Variants in BABAM2 observed in about 807,000 individuals in gnomAD.
BABAM2 encodes BRISC and BRCA1-A complex member 2.
Under a neutral mutation model 54.7 loss-of-function variants are expected in BABAM2, and 31 were observed. The observed-to-expected ratio is 0.57, with a 90% CI of 0.43 to 0.77. BABAM2 has a LOEUF of 0.77. Among genes scored for constraint, BABAM2 ranks in the 30% least tolerant of loss-of-function variants. The pLI is 0.00. For synonymous variants in BABAM2, 167 were observed against 162.9 expected (o/e 1.03, Z -0.19); for missense variants, 364 against 455.8 (o/e 0.80, Z 1.83).
At chr2:27,947,644 T>C (rs1300519638) in intron 3 of BABAM2, among the ~76,000 whole-genome samples, 1 of 152,216 alleles carries the variant, frequency 6.6e-6, no homozygotes, top group Non-Finnish European at 1.5e-5. Context: ...TCTCCCTGAC[T>C]GTGGCTTGTC....
At chr2:28,238,720 G>T (rs957159370) in intron 8 of BABAM2, among the ~76,000 whole-genome samples, 2 of 152,060 alleles carry the variant, frequency 1.3e-5, no homozygotes, top group African/African-American at 4.8e-5. Flanking sequence ...GCTTTGCACT[G>T]CCTTCAAATC....
intron 3 of BABAM2, among the ~76,000 whole-genome samples, chr2:27,936,157 T>C (rs1573208419): frequency 1.3e-5 from 2 of 152,088 alleles, no homozygotes; most frequent in Non-Finnish European, 2.9e-5. Context: ...TGACCTCAGG[T>C]GATCCACCCA....
chr2:28,006,516 A>T (rs747015115), intron 4 of BABAM2, among the ~76,000 whole-genome samples: 1 of 152,074 alleles, frequency 6.6e-6, no homozygotes, highest in Non-Finnish European at 1.5e-5. Flanking sequence ...GTAGAAAATA[A>T]CTATTAAAAG....
intron 6 of BABAM2, among the ~76,000 whole-genome samples, chr2:28,096,575 A>T (rs1057256068): frequency 6.6e-6 from 1 of 152,140 alleles, no homozygotes; most frequent in Non-Finnish European, 1.5e-5. Context: ...AGTGCTCTTC[A>T]TAACCATTTC....
At chr2:27,960,934 C>T (rs1670421888) in intron 3 of BABAM2, among the ~76,000 whole-genome samples, 1 of 152,162 alleles carries the variant, frequency 6.6e-6, no homozygotes. Context: ...AATGGCTTTG[C>T]TGAATAGGAA....
intron 3 of BABAM2, among the ~76,000 whole-genome samples, chr2:27,961,466 A>G (rs577443081): frequency 2.0e-5 from 3 of 152,208 alleles, no homozygotes; most frequent in South Asian, 2.1e-4. Flanking sequence ...TTGCCTACCT[A>G]TAAGCTAATG....
intron 6 of BABAM2, among the ~76,000 whole-genome samples, chr2:28,112,151 C>CTTTCTTTCTTTCTTTCTT (rs1261759583): frequency 0.032 from 628 of 19,610 alleles, 192 homozygotes; most frequent in African/African-American, 0.033. Flanking sequence ...CTTTCTTTAC[C>CTTTCTTTCTTTCTTTCTT]TCCCTCCCTC....
intron 11 of BABAM2, among the ~76,000 whole-genome samples, chr2:28,314,941 C>T (rs918553021): frequency 1.5e-4 from 22 of 145,550 alleles, no homozygotes; most frequent in African/African-American, 2.6e-5. Context: ...AAGACAAGAG[C>T]AGTAGATAAG....
chr2:28,125,981 TAAAG>T (rs1669488044), intron 6 of BABAM2, among the ~76,000 whole-genome samples: 1 of 152,194 alleles, frequency 6.6e-6, no homozygotes, highest in Non-Finnish European at 1.5e-5. Context: ...TTTATGAGCA[TAAAG>T]AAAGTAGTTT....
At chr2:27,952,738 G>T (rs1015264331) in intron 3 of BABAM2, among the ~76,000 whole-genome samples, 2 of 152,186 alleles carry the variant, frequency 1.3e-5, no homozygotes, top group Non-Finnish European at 2.9e-5. Flanking sequence ...GCTTCATGTA[G>T]CATTATCCGA....
At chr2:28,187,406 A>C (rs926029025) in intron 7 of BABAM2, among the ~76,000 whole-genome samples, 1 of 152,186 alleles carries the variant, frequency 6.6e-6, no homozygotes, top group Non-Finnish European at 1.5e-5. Context: ...CAGAACTGTG[A>C]CTTGAGTGAG....
At chr2:28,025,761 TC>T (rs1378876843) in intron 5 of BABAM2, among the ~76,000 whole-genome samples, 1 of 152,154 alleles carries the variant, frequency 6.6e-6, no homozygotes, top group Non-Finnish European at 1.5e-5. Context: ...CTAACAAGTT[TC>T]CCCCTCCTTT....
Position 27,930,096 on chromosome 2 carries a change from C to T in BABAM2, c.205+188C>T, listed in dbSNP as rs1340107068. ...AAAGTAAGGCAGTTGGCAGGGAATACGTTGTGGTTAAATAGGCATGCACAG... is the reference window on the plus strand; with the variant it reads ...AAAGTAAGGCAGTTGGCAGGGAATATGTTGTGGTTAAATAGGCATGCACAG... On this transcript the variant is annotated intron_variant, in intron 3 of 11. Transcript: ENST00000379624. 1.1e-5 allele frequency: 6 copies of T among 544,606 alleles called. No individual in the cohort carries two copies. The Admixed American group carries it at 1.4e-4, about 13-fold the overall frequency. 33.7% of individuals were successfully genotyped at this position (544,606 alleles called of 1,614,324 possible).
chr2:28,285,785 A>T (rs1483792951), intron 10 of BABAM2, among the ~76,000 whole-genome samples: 1 of 150,824 alleles, frequency 6.6e-6, no homozygotes, highest in Non-Finnish European at 1.5e-5. Flanking sequence ...GCCCAGGCTT[A>T]TCTCAAACTC....
intron 6 of BABAM2, among the ~76,000 whole-genome samples, chr2:28,048,357 T>C (rs1459803826): frequency 1.3e-5 from 2 of 152,238 alleles, no homozygotes; most frequent in Non-Finnish European, 2.9e-5. Flanking sequence ...TCCCTTAATA[T>C]TGTATTGTAA....
chr2:28,217,869 T>G (rs1007343544), intron 7 of BABAM2, among the ~76,000 whole-genome samples: 1 of 152,226 alleles, frequency 6.6e-6, no homozygotes, highest in African/African-American at 2.4e-5. Flanking sequence ...TCGAGAAAAC[T>G]AAACTCATTG....
intron 4 of BABAM2, among the ~76,000 whole-genome samples, chr2:27,993,511 C>T (rs1463887336): frequency 6.6e-6 from 1 of 152,156 alleles, no homozygotes; most frequent in African/African-American, 2.4e-5. Context: ...GTATGTTCAT[C>T]TCCCTCAAAG....
intron 10 of BABAM2, among the ~76,000 whole-genome samples, chr2:28,284,077 T>C (rs1686602003): frequency 6.6e-6 from 1 of 152,220 alleles, no homozygotes. Context: ...AGGGCTTGCC[T>C]CAACATGATC....
chr2:28,048,954 A>G (rs752872657), intron 6 of BABAM2, among the ~76,000 whole-genome samples: 3 of 152,244 alleles, frequency 2.0e-5, no homozygotes, highest in African/African-American at 4.8e-5. Flanking sequence ...GAACTTAACA[A>G]TATGATGCTA....
Sources: allele counts gnomAD v4.1 joint callset (sites outside exome capture counted in the v4.1 genomes callset), GRCh38; gene constraint gnomAD v4.1.1; transcripts MANE v1.5; gene names NCBI Gene and HGNC (gene_info 2026-07-23, HGNC 2026-07-21).